Variants in CSMD1 observed in about 807,000 individuals in gnomAD.
CSMD1 encodes the protein CUB and Sushi multiple domains 1, also known as CUB and sushi domain-containing protein 1.
Under a neutral mutation model 417.5 loss-of-function variants are expected in CSMD1, and 213 were observed. That is an observed-to-expected ratio of 0.51 (90% CI 0.46 to 0.57). The LOEUF is 0.57. Among genes scored for constraint, CSMD1 ranks in the 20% least tolerant of loss-of-function variants. The pLI is 0.00. For synonymous variants in CSMD1, 2,862 were observed against 1,736.8 expected (o/e 1.65, Z -16.11); for missense variants, 6,923 against 4,529.7 (o/e 1.53, Z -15.17).
intron 22 of CSMD1, among the ~76,000 whole-genome samples, chr8:3,345,625 G>A (rs1563294028): frequency 1.3e-5 from 2 of 152,086 alleles, no homozygotes; most frequent in South Asian, 2.1e-4. Flanking sequence ...GATTCAAAGG[G>A]TTCTTTTCAG....
chr8:4,942,308 A>T (rs1808058131), intron 1 of CSMD1, among the ~76,000 whole-genome samples: 2 of 151,874 alleles, frequency 1.3e-5, no homozygotes, highest in Non-Finnish European at 2.9e-5. Flanking sequence ...TCCTCTGTGA[A>T]TTCTTGCCTA....
chr8:3,790,027 G>A lies in CSMD1; in HGVS notation c.819-35985C>T, dbSNP rs533742593. On this transcript the variant is annotated intron_variant, in intron 5 of 69. Transcript: ENST00000635120. ...ATTACAGGCGTAAGCCACCATGCCC[G>A]GCCGATCATGGTTAATATTAATGTA... Among the ~76,000 whole-genome samples the A allele has an allele frequency of 1.5e-4, 23 of 152,248 alleles. No individual in the cohort carries two copies. The East Asian group carries it at 2.7e-3, about 18-fold the overall frequency.
chr8:4,289,196 T>G (rs113083551), intron 3 of CSMD1, among the ~76,000 whole-genome samples: 2 of 152,294 alleles, frequency 1.3e-5, no homozygotes, highest in African/African-American at 4.8e-5. Flanking sequence ...GGACAAATAC[T>G]CTTTACCAGT....
chr8:3,318,229 C>A (rs527501141), intron 23 of CSMD1, among the ~76,000 whole-genome samples: 1 of 152,048 alleles, frequency 6.6e-6, no homozygotes, highest in Admixed American at 6.6e-5. Context: ...TAACTTCTTA[C>A]TATAATGTTT....
At chr8:4,276,337 AACTAGAAACC>A in intron 3 of CSMD1, among the ~76,000 whole-genome samples, 1 of 152,236 alleles carries the variant, frequency 6.6e-6, no homozygotes, top group Non-Finnish European at 1.5e-5. Context: ...ACATGGATGA[AACTAGAAACC>A]GTCATTGTCA....
At chr8:4,077,297 G>GTGTATATATATATATATATA (rs1313094441) in intron 3 of CSMD1, among the ~76,000 whole-genome samples, 1 of 121,290 alleles carries the variant, frequency 8.2e-6, no homozygotes, top group South Asian at 2.5e-4. Context: ...ATATATATGT[G>GTGTATATATATATATATATA]TATATATATA....
At chr8:3,450,281 C>T (rs1026529215) in intron 12 of CSMD1, among the ~76,000 whole-genome samples, 3 of 151,890 alleles carry the variant, frequency 2.0e-5, no homozygotes, top group African/African-American at 4.8e-5. Flanking sequence ...ATCTTCCTAC[C>T]CATACACATG....
At chr8:4,541,940 G>A (rs533338866) in intron 2 of CSMD1, among the ~76,000 whole-genome samples, 1 of 152,246 alleles carries the variant, frequency 6.6e-6, no homozygotes, top group East Asian at 1.9e-4. Context: ...AATGTTGGCA[G>A]GCGATGAATT....
intron 7 of CSMD1, among the ~76,000 whole-genome samples, chr8:3,679,509 A>G (rs545371998): frequency 2.0e-5 from 3 of 152,328 alleles, no homozygotes; most frequent in Admixed American, 1.3e-4. Flanking sequence ...TATTCACCCA[A>G]TACAGGAGCA....
intron 2 of CSMD1, among the ~76,000 whole-genome samples, chr8:4,468,606 G>T (rs1389566405): frequency 6.6e-6 from 1 of 152,070 alleles, no homozygotes; most frequent in Admixed American, 6.6e-5. Flanking sequence ...GATTTTTCAA[G>T]ATTCAATTTG....
At chr8:3,770,564 A>T (rs1444734785) in intron 5 of CSMD1, among the ~76,000 whole-genome samples, 1 of 152,094 alleles carries the variant, frequency 6.6e-6, no homozygotes, top group Non-Finnish European at 1.5e-5. Context: ...GAAAGAACAT[A>T]ATAGGAACAT....
chr8:4,184,105 T>A (rs1246250063), intron 3 of CSMD1, among the ~76,000 whole-genome samples: 1 of 152,228 alleles, frequency 6.6e-6, no homozygotes, highest in Non-Finnish European at 1.5e-5. Context: ...ATTTTAGGAA[T>A]GTTAACTATA....
At chr8:4,323,500 T>A (rs112109536) in intron 3 of CSMD1, among the ~76,000 whole-genome samples, 212 of 152,080 alleles carry the variant, frequency 1.4e-3, no homozygotes, top group African/African-American at 4.4e-3. Context: ...CTGAAACCTG[T>A]TATCAGAAAT....
chr8:3,021,527 A>G (rs1017086020), intron 51 of CSMD1, among the ~76,000 whole-genome samples: 2 of 152,052 alleles, frequency 1.3e-5, no homozygotes, highest in African/African-American at 4.8e-5. Flanking sequence ...CCTTTTTTTC[A>G]TTTCATTAAA....
At chr8:3,066,001 T>C (rs1440317926) in intron 49 of CSMD1, among the ~76,000 whole-genome samples, 3 of 152,172 alleles carry the variant, frequency 2.0e-5, no homozygotes, top group African/African-American at 7.2e-5. Context: ...GACTGTTCAG[T>C]CATTTAAATG....
In CSMD1 at chr8:3,381,480, C is replaced by G. The variant is rs1810621730; in HGVS notation, c.2782+6014G>C. Among the ~76,000 whole-genome samples the G allele has an allele frequency of 2.0e-5, 3 of 152,174 alleles. No homozygotes were observed. The South Asian group carries it at 6.2e-4, about 31-fold the overall frequency. ...TAGGGTAATTTAATAAAACATCAAA[C>G]AGATTCAAGTTCAGTTACACATGAA... On this transcript the variant is annotated intron_variant, in intron 18 of 69. Transcript: ENST00000635120.
At chr8:4,132,474 A>G (rs1214849048) in intron 3 of CSMD1, among the ~76,000 whole-genome samples, 2 of 152,184 alleles carry the variant, frequency 1.3e-5, no homozygotes, top group Non-Finnish European at 2.9e-5. Flanking sequence ...TTACTTTAAC[A>G]GGAACATGGG....
intron 2 of CSMD1, among the ~76,000 whole-genome samples, chr8:4,498,204 CG>C (rs1802072470): frequency 6.6e-6 from 1 of 152,146 alleles, no homozygotes; most frequent in Admixed American, 6.5e-5. Context: ...GCTTAGCAGA[CG>C]GGGTTGAACG....
At chr8:4,414,216 G>T (rs930707554) in intron 3 of CSMD1, among the ~76,000 whole-genome samples, 1 of 152,162 alleles carries the variant, frequency 6.6e-6, no homozygotes, top group Admixed American at 6.5e-5. Context: ...AGGTGTTAAA[G>T]AAAATCATGC....
Sources: allele counts gnomAD v4.1 joint callset (sites outside exome capture counted in the v4.1 genomes callset), GRCh38; gene constraint gnomAD v4.1.1; transcripts MANE v1.5; gene names NCBI Gene and HGNC (gene_info 2026-07-23, HGNC 2026-07-21).